TANC1: variants seen among roughly 807,000 people sequenced by gnomAD.
TANC1 encodes tetratricopeptide repeat, ankyrin repeat and coiled-coil containing 1, also known as protein TANC1.
A neutral mutation model predicts 149.7 loss-of-function variants in TANC1; 77 were observed. The ratio of observed to expected loss-of-function variants is 0.51; its 90% CI spans 0.43 to 0.62. The LOEUF is 0.62. Among genes scored for constraint, TANC1 ranks in the 20% least tolerant of loss-of-function variants. TANC1 has a pLI of 0.00. For missense variants in TANC1, 1,985 were observed against 2,321.8 expected (o/e 0.85, Z 2.98); for synonymous variants, 854 against 925.0 (o/e 0.92, Z 1.39).
intron 2 of TANC1, among the ~76,000 whole-genome samples, chr2:159,047,340 C>G (rs2041148681): frequency 6.6e-6 from 1 of 152,026 alleles, no homozygotes; most frequent in African/African-American, 2.4e-5. Context: ...TCCCTCAGCC[C>G]CATTTTAAAA....
intron 22 of TANC1, among the ~76,000 whole-genome samples, chr2:159,223,761 G>A (rs1198619082): frequency 3.3e-5 from 5 of 152,080 alleles, no homozygotes; most frequent in East Asian, 3.8e-4. Context: ...GATTATACTC[G>A]GGTCCATCCG....
intron 4 of TANC1, among the ~76,000 whole-genome samples, chr2:159,117,323 T>C (rs960876155): frequency 2.6e-5 from 4 of 152,240 alleles, no homozygotes; most frequent in Admixed American, 6.5e-5. Context: ...TCTCCTCTTA[T>C]TAACATAGGA....
chr2:159,070,565 A>G (rs932449316), intron 3 of TANC1, among the ~76,000 whole-genome samples: 5 of 152,202 alleles, frequency 3.3e-5, no homozygotes, highest in African/African-American at 7.2e-5. Context: ...TTTTTAAAAC[A>G]CTACAAAATT....
At chr2:158,993,340 C>T (rs1391014474) in intron 1 of TANC1, among the ~76,000 whole-genome samples, 1 of 152,150 alleles carries the variant, frequency 6.6e-6, no homozygotes, top group Non-Finnish European at 1.5e-5. Context: ...TTACTTGAGC[C>T]TCCTAGGCTC....
At chr2:159,215,907 AATG>A (rs71985468) in intron 19 of TANC1, among the ~76,000 whole-genome samples, 28,964 of 151,878 alleles carry the variant, frequency 0.19, 4,072 homozygotes, top group East Asian at 0.48. Context: ...GAAGCTTGCT[AATG>A]ATGATGATGA....
chr2:159,172,420 C>T, intron 11 of TANC1, 148 bp downstream of exon 11: 4 of 762,306 alleles, frequency 5.2e-6, no homozygotes, highest in Non-Finnish European at 8.3e-6. Flanking sequence ...TACAGTTCTC[C>T]AAGTAAAAGT....
chr2:159,063,826 C>T (rs2042440968), intron 2 of TANC1, among the ~76,000 whole-genome samples: 1 of 152,084 alleles, frequency 6.6e-6, no homozygotes, highest in African/African-American at 2.4e-5. Flanking sequence ...GTCAGTGTCA[C>T]CTAGTCCTTG....
chr2:158,987,863 G>A (rs1368740249), intron 1 of TANC1, among the ~76,000 whole-genome samples: 1 of 152,208 alleles, frequency 6.6e-6, no homozygotes, highest in East Asian at 1.9e-4. Context: ...GCGGGAAGGT[G>A]AAGGCTGGGC....
intron 2 of TANC1, among the ~76,000 whole-genome samples, chr2:159,008,021 A>T (rs1574084333): frequency 6.6e-6 from 1 of 152,256 alleles, no homozygotes; most frequent in Admixed American, 6.5e-5. Flanking sequence ...TGGACCTAAA[A>T]TATCACTTGA....
intron 2 of TANC1, among the ~76,000 whole-genome samples, chr2:159,016,866 A>G (rs955856339): frequency 7.2e-5 from 11 of 151,982 alleles, no homozygotes; most frequent in African/African-American, 1.4e-4. Context: ...GAGCCACTGC[A>G]CCCAGCCTAG....
chr2:159,128,939 C>A (rs188033218), intron 4 of TANC1, among the ~76,000 whole-genome samples: 1 of 152,116 alleles, frequency 6.6e-6, no homozygotes, highest in African/African-American at 2.4e-5. Flanking sequence ...CCCCCTGCCC[C>A]CAAAATATTA....
chr2:158,980,711 C>T (rs1472322759), intron 1 of TANC1, among the ~76,000 whole-genome samples: 1 of 150,390 alleles, frequency 6.6e-6, no homozygotes, highest in Non-Finnish European at 1.5e-5. Flanking sequence ...GAAGACGGAG[C>T]TTGCAGTGAG....
intron 3 of TANC1, among the ~76,000 whole-genome samples, chr2:159,071,404 T>G (rs1401432919): frequency 1.3e-5 from 2 of 152,220 alleles, no homozygotes; most frequent in African/African-American, 4.8e-5. Flanking sequence ...AAAAAATTTT[T>G]TTTTGACCTT....
chr2:159,088,416 G>A lies in TANC1; in HGVS notation c.62-9221G>A, dbSNP rs544755164. Among the ~76,000 whole-genome samples the A allele has an allele frequency of 7.2e-5, 11 of 152,128 alleles. 1 individual carries two copies. Among genetic ancestry groups the A allele is most frequent in the African/African-American group, 2.4e-4 (10 of 41,500 alleles). ...CTCTGCTTCTTGGGGAAACCTTCCC[G>A]AGCTTATTCTCTTTATCATGGACTA... On this transcript the variant is annotated intron_variant, in intron 3 of 26. Transcript: ENST00000263635.
intron 4 of TANC1, among the ~76,000 whole-genome samples, chr2:159,115,176 G>A (rs1044475593): frequency 6.7e-6 from 1 of 150,050 alleles, no homozygotes; most frequent in Non-Finnish European, 1.5e-5. Context: ...GTAAGGGTGT[G>A]TGTGTGTGTG....
chr2:159,083,086 C>T (rs1216743560), intron 3 of TANC1, among the ~76,000 whole-genome samples: 47 of 152,092 alleles, frequency 3.1e-4, no homozygotes, highest in Admixed American at 2.9e-3. Flanking sequence ...GCTGGGACTA[C>T]AGGCACCCAC....
chr2:159,219,162 T>C, intron 20 of TANC1, 76 bp from the exon 21 acceptor site: 1 of 1,583,978 alleles, frequency 6.3e-7, no homozygotes, highest in African/African-American at 1.3e-5. Context: ...TTTTAAAGGT[T>C]GAGAAACCTG....
intron 10 of TANC1, among the ~76,000 whole-genome samples, chr2:159,171,139 A>G (rs1440920947): frequency 1.3e-5 from 2 of 152,210 alleles, no homozygotes; most frequent in Admixed American, 1.3e-4. Flanking sequence ...CTGGTAGAAC[A>G]AGCTCAGATG....
intron 1 of TANC1, among the ~76,000 whole-genome samples, chr2:158,995,434 C>T (rs182136199): frequency 3.7e-4 from 57 of 152,280 alleles, no homozygotes; most frequent in Non-Finnish European, 6.3e-4. Context: ...GAGCTAGGCT[C>T]CTGTTAACAG....
Sources: allele counts gnomAD v4.1 joint callset (sites outside exome capture counted in the v4.1 genomes callset), GRCh38; gene constraint gnomAD v4.1.1; transcripts MANE v1.5; gene names NCBI Gene and HGNC (gene_info 2026-07-23, HGNC 2026-07-21).